DMD: variants seen among roughly 807,000 people sequenced by gnomAD.
The protein encoded by DMD is mutant dystrophin.
Under a neutral mutation model 330.1 loss-of-function variants are expected in DMD, and 63 were observed. The observed-to-expected ratio is 0.19, with a 90% CI of 0.16 to 0.24. DMD has a LOEUF of 0.24. Among genes scored for constraint, DMD ranks in the 10% least tolerant of loss-of-function variants. The pLI, the probability that DMD is intolerant of heterozygous loss-of-function variation, is 1.00. For missense variants in DMD, 3,344 were observed against 2,684.1 expected (o/e 1.25, Z -5.43); for synonymous variants, 1,223 against 959.8 (o/e 1.27, Z -5.07).
At chrX:31,378,735 TCC>T (rs751047139) in intron 60 of DMD, among the ~76,000 whole-genome samples, 110 of 108,948 alleles carry the variant, frequency 1.0e-3, no homozygotes, top group African/African-American at 3.4e-3. Flanking sequence ...GTGTCTCTAC[TCC>T]CTTTTCTCTG....
In DMD at chrX:32,859,461, TCACACACACACACACACACACA is replaced by T. The variant is rs35537635; in HGVS notation, c.94-9663_94-9642del. On this transcript the variant is annotated intron_variant, in intron 2 of 78. Coordinates refer to ENST00000357033, the MANE Select transcript of DMD (RefSeq NM_004006.3). ...CCGGCCTTTGTGACGAAGCAAGATC[TCACACACACACACACACACACA>T]CACACACACACACACACACACACAC... 1.5e-3 allele frequency among the ~76,000 whole-genome samples: 132 copies of T among 86,045 alleles called. 1 individual carries two copies. Among genetic ancestry groups the T allele is most frequent in the South Asian group, 3.5e-3 (5 of 1,411 alleles). The allele number at this position is 86,045 out of a possible 115,157, so 74.7% of individuals were successfully genotyped here.
intron 43 of DMD, among the ~76,000 whole-genome samples, chrX:32,253,248 T>C (rs745539521): frequency 1.5e-4 from 16 of 110,137 alleles, no homozygotes; most frequent in Non-Finnish European, 2.8e-4. Flanking sequence ...GGGGAGCTTA[T>C]GACTGTCTTT....
At chrX:32,080,386 T>A (rs2096383053) in intron 44 of DMD, among the ~76,000 whole-genome samples, 1 of 112,258 alleles carries the variant, frequency 8.9e-6, no homozygotes, top group Admixed American at 9.5e-5. Context: ...ATATGGCTTA[T>A]AATATCTTAG....
At chrX:31,425,789 A>G (rs770273036) in intron 60 of DMD, among the ~76,000 whole-genome samples, 3 of 110,358 alleles carry the variant, frequency 2.7e-5, no homozygotes, top group African/African-American at 1.0e-4. Context: ...TGCTTGGCGC[A>G]GTGGGAAGCC....
chrX:31,907,362 G>C (rs1462400521), intron 47 of DMD, among the ~76,000 whole-genome samples: 1 of 111,831 alleles, frequency 8.9e-6, no homozygotes, highest in Non-Finnish European at 1.9e-5. Context: ...TACCAAAACA[G>C]AGATATAGAC....
intron 7 of DMD, among the ~76,000 whole-genome samples, chrX:32,773,803 G>A (rs2073881658): frequency 9.0e-6 from 1 of 110,832 alleles, no homozygotes; most frequent in South Asian, 3.8e-4. Context: ...TATATTTTCT[G>A]AACATGTTTT....
intron 44 of DMD, among the ~76,000 whole-genome samples, chrX:32,035,836 C>G (rs1418004852): frequency 9.4e-6 from 1 of 106,422 alleles, no homozygotes; most frequent in Non-Finnish European, 1.9e-5. Context: ...ATTCATGTCC[C>G]AACGAAAAAA....
At chrX:33,238,565 T>C (rs150250085) in intron 1 of DMD, among the ~76,000 whole-genome samples, 3 of 111,711 alleles carry the variant, frequency 2.7e-5, no homozygotes, top group African/African-American at 9.8e-5. Context: ...GAATCTAGTA[T>C]TTCTAAATTC....
chrX:33,000,335 A>G (rs1310533032), intron 2 of DMD, among the ~76,000 whole-genome samples: 1 of 112,202 alleles, frequency 8.9e-6, no homozygotes, highest in African/African-American at 3.2e-5. Flanking sequence ...TGCATTTTAT[A>G]TCAACTATAT....
chrX:32,574,594 T>C (rs950320452), intron 13 of DMD, among the ~76,000 whole-genome samples: 12 of 111,913 alleles, frequency 1.1e-4, no homozygotes, highest in African/African-American at 3.9e-4. Flanking sequence ...CTCATTATGA[T>C]GCACTTTATA....
At chrX:33,215,323 CAAA>C (rs35648936), upstream of DMD, among the ~76,000 whole-genome samples, 2 of 87,936 alleles carry the variant, frequency 2.3e-5, no homozygotes, top group Admixed American at 1.3e-4. Context: ...GACCCTATCT[CAAA>C]AAAAAAAAAA....
At chrX:32,924,238 G>A (rs2088747102) in intron 2 of DMD, among the ~76,000 whole-genome samples, 1 of 111,829 alleles carries the variant, frequency 8.9e-6, no homozygotes, top group Non-Finnish European at 1.9e-5. Flanking sequence ...AAAGAAAAAT[G>A]TTAGCTAGAC....
At chrX:31,757,459 G>A (rs376612208) in intron 51 of DMD, among the ~76,000 whole-genome samples, 8 of 111,923 alleles carry the variant, frequency 7.1e-5, no homozygotes, top group Non-Finnish European at 1.3e-4. Context: ...AGTCTGGGCC[G>A]CTATAGCTAA....
chrX:32,734,129 C>T (rs1410404253), intron 7 of DMD, among the ~76,000 whole-genome samples: 7 of 108,261 alleles, frequency 6.5e-5, no homozygotes, highest in Non-Finnish European at 1.1e-4. Flanking sequence ...GAGAATACTA[C>T]AAACACCTCT....
chrX:32,536,264 C>CAAAAAAAAAAA lies in DMD; in HGVS notation c.2168+8884_2168+8894dup, dbSNP rs1191335690. On this transcript the variant is annotated intron_variant, in intron 17 of 78. Coordinates refer to ENST00000357033, the MANE Select transcript of DMD (RefSeq NM_004006.3). ...TGGCAACAGAGTGAGACTCCGTCTC[C>CAAAAAAAAAAA]AAAAAAAAAAAAAAAAAAAAAAAAC... Among the ~76,000 whole-genome samples, 41 of 36,351 alleles carry CAAAAAAAAAAA rather than the reference C, an allele frequency of 1.1e-3. 3 individuals are homozygous for CAAAAAAAAAAA. Among genetic ancestry groups the CAAAAAAAAAAA allele is most frequent in the African/African-American group, 4.9e-3 (41 of 8,383 alleles). 31.6% of individuals were successfully genotyped at this position (36,351 alleles called of 115,157 possible). A position where few individuals can be genotyped will look rare whatever the true frequency, so the allele number is the denominator to read the frequency against.
In DMD at chrX:33,258,825, C is replaced by T. The variant is rs980650159; in HGVS notation, c.7+80434G>A. Among the ~76,000 whole-genome samples, 4 of 111,205 alleles carry T rather than the reference C, an allele frequency of 3.6e-5. No individual in the cohort carries two copies. In the Admixed American group the frequency reaches 3.8e-4, roughly 11 times the overall value. On this transcript the variant is annotated intron_variant, in intron 1 of 17. Coordinates refer to the DMD transcript ENST00000288447. Reference sequence around the variant, plus strand: ...TCTTAATTGTCTTATGTAGTACATACTCAATTAAAACTCATGCTGGAGCAG... The same window carrying T: ...TCTTAATTGTCTTATGTAGTACATATTCAATTAAAACTCATGCTGGAGCAG...
chrX:32,261,907 GTTGTAAA>G (rs200355486), intron 43 of DMD, among the ~76,000 whole-genome samples: 15,781 of 111,091 alleles, frequency 0.14, 991 homozygotes, highest in Non-Finnish European at 0.2. Flanking sequence ...ATTTTAAACT[GTTGTAAA>G]TTATAATATT....
chrX:31,622,941 G>C (rs1352126928), intron 55 of DMD, among the ~76,000 whole-genome samples: 1 of 102,605 alleles, frequency 9.7e-6, no homozygotes, highest in East Asian at 3.1e-4. Context: ...ATCCAGAGCA[G>C]AAGGCATTCA....
In DMD at chrX:31,228,257, A is replaced by T. The variant is rs746161186; in HGVS notation, c.9287-5136T>A. Among the ~76,000 whole-genome samples, 9 of 48,106 alleles carry T rather than the reference A, an allele frequency of 1.9e-4. No individual in the cohort carries two copies. The East Asian group carries it at 2.4e-3, about 13-fold the overall frequency. 41.8% of individuals were successfully genotyped at this position (48,106 alleles called of 115,157 possible). A position where few individuals can be genotyped will look rare whatever the true frequency, so the allele number is the denominator to read the frequency against. On this transcript the variant is annotated intron_variant, in intron 63 of 78. Coordinates refer to ENST00000357033, the MANE Select transcript of DMD (RefSeq NM_004006.3). ...TGTACCCTAAAACTTAAAGTATAAT[A>T]AAAAAAAAATAAAAAAATAAAAAAA...
Sources: allele counts gnomAD v4.1 joint callset (sites outside exome capture counted in the v4.1 genomes callset), GRCh38; gene constraint gnomAD v4.1.1; transcripts MANE v1.5; gene names NCBI Gene and HGNC (gene_info 2026-07-23, HGNC 2026-07-21).